The following PCDH15 variants were observed in gnomAD, a reference collection of about 807,000 sequenced individuals.
PCDH15 encodes the protein protocadherin related 15.
PCDH15 carries 129 observed loss-of-function variants against 178.5 expected under a neutral mutation model. The observed-to-expected ratio is 0.72, with a 90% CI of 0.63 to 0.84. PCDH15 has a LOEUF of 0.84. Ranked by LOEUF, PCDH15 falls within the 40% of genes least tolerant of loss-of-function variation. The pLI is 0.00. For synonymous variants in PCDH15, 800 were observed against 732.0 expected, an observed-to-expected ratio of 1.09 and a Z score of -1.50; for missense variants, 2,230 against 2,099.9, an observed-to-expected ratio of 1.06 and a Z score of -1.21.
intron 2 of PCDH15, among the ~76,000 whole-genome samples, chr10:55,022,505 C>A (rs912429828): frequency 6.7e-6 from 1 of 149,766 alleles, no homozygotes; most frequent in Non-Finnish European, 1.5e-5. Flanking sequence ...CACAAAAATG[C>A]AAACCATGTG....
intron 2 of PCDH15, among the ~76,000 whole-genome samples, chr10:54,998,990 T>C (rs906822883): frequency 1.3e-5 from 2 of 152,156 alleles, no homozygotes; most frequent in African/African-American, 4.8e-5. Context: ...TGTTTTGCTT[T>C]TAATTTTTAT....
chr10:55,019,328 C>T (rs1197283490), intron 2 of PCDH15, among the ~76,000 whole-genome samples: 1 of 152,038 alleles, frequency 6.6e-6, no homozygotes, highest in African/African-American at 2.4e-5. Flanking sequence ...AACATTTGAA[C>T]TCATGTGTTT....
At chr10:54,640,480 T>C (rs1401285140) in intron 2 of PCDH15, among the ~76,000 whole-genome samples, 1 of 152,112 alleles carries the variant, frequency 6.6e-6, no homozygotes, top group Non-Finnish European at 1.5e-5. Flanking sequence ...TACTGAACAA[T>C]GATTTTTTTC....
chr10:54,528,273 A>G (rs1014017717), intron 2 of PCDH15: 1 of 976,852 alleles, frequency 1.0e-6, no homozygotes, highest in Admixed American at 2.2e-5. Context: ...ATTGTGATAA[A>G]GGGTCTAATT....
intron 1 of PCDH15, among the ~76,000 whole-genome samples, chr10:55,224,536 C>T (rs1423842305): frequency 1.3e-5 from 2 of 152,056 alleles, no homozygotes; most frequent in Admixed American, 6.5e-5. Context: ...AAGCTGAGGT[C>T]GCTCTAGACC....
intron 2 of PCDH15, among the ~76,000 whole-genome samples, chr10:54,623,074 A>T (rs1565779105): frequency 6.6e-6 from 1 of 151,878 alleles, no homozygotes; most frequent in Non-Finnish European, 1.5e-5. Flanking sequence ...AATTATTCAC[A>T]GTTTTGTTCA....
intron 2 of PCDH15, among the ~76,000 whole-genome samples, chr10:54,937,605 A>G (rs1432011288): frequency 6.6e-6 from 1 of 151,772 alleles, no homozygotes; most frequent in East Asian, 1.9e-4. Context: ...CACTTGGTTT[A>G]ATTTTTGGTT....
At position 54,964,002 on chromosome 10, in the gene PCDH15, G is replaced by T. The variant is rs552750556; in HGVS notation, c.-79-66502C>A. Among the ~76,000 whole-genome samples, 3 of 152,256 alleles carry T rather than the reference G, an allele frequency of 2.0e-5. No individual in the cohort carries two copies. In the East Asian group the frequency reaches 5.8e-4, roughly 29 times the overall value. On this transcript the variant is annotated intron_variant, in intron 2 of 5. Transcript: ENST00000458638. ...AATGTAACTACATGTGGGGAAAAAA[G>T]AATTAGGGACAGGTAAGGAAGAGGA...
chr10:55,600,706 A>G (rs1369604155), intron 2 of PCDH15, among the ~76,000 whole-genome samples: 1 of 152,086 alleles, frequency 6.6e-6, no homozygotes, highest in Non-Finnish European at 1.5e-5. Context: ...AAAGGATATG[A>G]GAAACCGGGC....
intron 2 of PCDH15, among the ~76,000 whole-genome samples, chr10:54,934,220 A>G (rs1167020388): frequency 6.6e-6 from 1 of 152,122 alleles, no homozygotes; most frequent in East Asian, 1.9e-4. Context: ...GTCTGTTACT[A>G]AAAGCACATA....
chr10:55,338,339 C>T (rs1844454189), intron 2 of PCDH15, among the ~76,000 whole-genome samples: 1 of 152,150 alleles, frequency 6.6e-6, no homozygotes, highest in African/African-American at 2.4e-5. Context: ...GAAGAGATAC[C>T]TGCACTCCTA....
At chr10:55,538,500 T>C (rs1841649761) in intron 2 of PCDH15, among the ~76,000 whole-genome samples, 1 of 135,110 alleles carries the variant, frequency 7.4e-6, no homozygotes, top group Non-Finnish European at 1.6e-5. Flanking sequence ...CTCCTTTCCT[T>C]CCTTCCTTCT....
At chr10:54,380,457 C>A (rs2135066250) in intron 3 of PCDH15, among the ~76,000 whole-genome samples, 1 of 151,170 alleles carries the variant, frequency 6.6e-6, no homozygotes, top group Admixed American at 6.6e-5. Flanking sequence ...AAATACTTCA[C>A]ACAACTCACC....
chr10:55,582,628 A>ATATAT (rs780312007), intron 2 of PCDH15, among the ~76,000 whole-genome samples: 4 of 69,030 alleles, frequency 5.8e-5, no homozygotes, highest in Non-Finnish European at 7.4e-5. Flanking sequence ...ATATATATAT[A>ATATAT]TTTTTTTTTT....
intron 19 of PCDH15, among the ~76,000 whole-genome samples, chr10:54,021,695 G>C (rs2092925651): frequency 6.6e-6 from 1 of 151,786 alleles, no homozygotes; most frequent in African/African-American, 2.4e-5. Context: ...ATTAGGTTAG[G>C]AGCTCCACCT....
At chr10:54,443,496 A>C (rs946729309) in intron 3 of PCDH15, among the ~76,000 whole-genome samples, 7 of 143,402 alleles carry the variant, frequency 4.9e-5, no homozygotes, top group Admixed American at 3.4e-4. Context: ...CAACAACACA[A>C]AAAAAAATCT....
intron 23 of PCDH15, among the ~76,000 whole-genome samples, chr10:53,947,073 C>A (rs1411674620): frequency 1.3e-5 from 2 of 152,126 alleles, no homozygotes; most frequent in Admixed American, 6.6e-5. Flanking sequence ...CCGCACCTGG[C>A]CCATATATAT....
chr10:54,323,932 AT>A (rs1397463101), intron 7 of PCDH15, among the ~76,000 whole-genome samples: 1 of 152,108 alleles, frequency 6.6e-6, no homozygotes, highest in East Asian at 1.9e-4. Context: ...AATATTTCTT[AT>A]TTTTTATGCA....
intron 1 of PCDH15, among the ~76,000 whole-genome samples, chr10:54,709,732 T>C (rs1199918833): frequency 6.8e-6 from 1 of 148,060 alleles, no homozygotes; most frequent in Non-Finnish European, 1.5e-5. Flanking sequence ...ATCTAAAATA[T>C]ATATATTCAT....
Sources: allele counts gnomAD v4.1 joint callset (sites outside exome capture counted in the v4.1 genomes callset), GRCh38; gene constraint gnomAD v4.1.1; transcripts MANE v1.5; gene names NCBI Gene and HGNC (gene_info 2026-07-23, HGNC 2026-07-21).